Variants in NFATC2 observed in about 807,000 individuals in gnomAD.
NFATC2 encodes the protein nuclear factor of activated T-cells, cytoplasmic 2.
Under a neutral mutation model 87.3 loss-of-function variants are expected in NFATC2, and 22 were observed. That is an observed-to-expected ratio of 0.25 (90% CI 0.18 to 0.36). The LOEUF (loss-of-function observed/expected upper bound fraction) is 0.36. Ranked by LOEUF, NFATC2 falls within the 10% of genes least tolerant of loss-of-function variation. NFATC2 has a pLI of 1.00. For synonymous variants in NFATC2, 565 were observed against 542.2 expected (o/e 1.04, Z -0.58); for missense variants, 1,149 against 1,259.1 (o/e 0.91, Z 1.32).
intron 5 of NFATC2, among the ~76,000 whole-genome samples, chr20:51,457,052 A>G (rs1305123320): frequency 6.6e-6 from 1 of 152,248 alleles, no homozygotes; most frequent in African/African-American, 2.4e-5. Context: ...GCTGCCGGCT[A>G]CAAGGATAGA....
chr20:51,432,891 T>A lies in NFATC2; in HGVS notation c.2033-135A>T, dbSNP rs564348469. Reference sequence around the variant, plus strand: ...GGGACAAACAGCTGGTCCCTGTCACTTATCAGCCTTGGGCAAAAGGCTCCC... The same window carrying A: ...GGGACAAACAGCTGGTCCCTGTCACATATCAGCCTTGGGCAAAAGGCTCCC... On this transcript the variant is annotated intron_variant, in intron 8 of 10. Coordinates refer to ENST00000371564, the MANE Select transcript of NFATC2 (RefSeq NM_012340.5). This position sits in a 1 kb window ranked among gnomAD's most constrained non-coding sequence, Gnocchi z 4.6. 9.7e-6 allele frequency: 7 copies of A among 721,832 alleles called. No homozygotes were observed. The South Asian group carries it at 1.8e-4, about 18-fold the overall frequency. The allele number at this position is 721,832 out of a possible 1,614,324, so 44.7% of individuals were successfully genotyped here. A position where few individuals can be genotyped will look rare whatever the true frequency, so the allele number is the denominator to read the frequency against.
In NFATC2 at chr20:51,523,382, C is replaced by T; in HGVS notation, c.859G>A (p.Asp287Asn). The change falls in exon 2 of 11, where the codon GAC becomes AAC. Residue 287 changes from aspartate to asparagine, a missense_variant. Around this residue, in one of 3 missense-constraint regions of NFATC2, gnomAD observed 563 missense variants for 585.2 expected, o/e 0.96. Transcript: ENST00000371564. The surrounding 1 kb of genome is among the most constrained non-coding windows in gnomAD (Gnocchi z 6.9). Reference protein sequence around the residue: ...PQPSSHVAPQDHGSPAGYPPV... With the variant: ...PQPSSHVAPQNHGSPAGYPPV... The stretch of plus-strand genomic sequence containing the variant: ...GGGTACCCAGCCGGGGAGCCGTGGT[C>T]CTGGGGTGCCACGTGAGATGAGGGC... 1.2e-6 allele frequency: 2 copies of T among 1,610,718 alleles called. No individual in the cohort carries two copies. The highest frequency in any genetic ancestry group is 1.7e-6 in the Non-Finnish European group (2 of 1,178,330).
chr20:51,447,163 A>C (rs1242745120), intron 6 of NFATC2, among the ~76,000 whole-genome samples: 1 of 152,198 alleles, frequency 6.6e-6, no homozygotes, highest in Non-Finnish European at 1.5e-5. Flanking sequence ...GGGGACCTCC[A>C]AGTAATAAAA....
At chr20:51,433,108 G>A (rs1443976686) in intron 8 of NFATC2, among the ~76,000 whole-genome samples, 2 of 152,062 alleles carry the variant, frequency 1.3e-5, no homozygotes, top group African/African-American at 4.8e-5. Flanking sequence ...TATCCCAGCA[G>A]CTCCTGTCTC....
rs566593401 is a variant in NFATC2, at chr20:51,440,951, T to C, written c.1850-5190A>G. Reference sequence around the variant, plus strand: ...CCTGGAGAACCCAATAATCCCAACCTCTGAATTGCACTCCCATGGGGCAGT... The same window carrying C: ...CCTGGAGAACCCAATAATCCCAACCCCTGAATTGCACTCCCATGGGGCAGT... On this transcript the variant is annotated intron_variant, in intron 6 of 10. Transcript: ENST00000371564. Among the ~76,000 whole-genome samples, 14 of 152,270 alleles carry C rather than the reference T, an allele frequency of 9.2e-5. No individual in the cohort carries two copies. In the South Asian group the frequency reaches 2.9e-3, roughly 32 times the overall value.
In NFATC2 at chr20:51,501,528, T is replaced by C. The variant is rs565925736; in HGVS notation, c.1332+15256A>G. 5.3e-5 allele frequency among the ~76,000 whole-genome samples: 8 copies of C among 152,322 alleles called. No individual in the cohort carries two copies. In the East Asian group the frequency reaches 1.5e-3, roughly 29 times the overall value. On this transcript the variant is annotated intron_variant, in intron 3 of 10. Coordinates refer to ENST00000371564, the MANE Select transcript of NFATC2 (RefSeq NM_012340.5). ...CTTCAGCACTGGCTGCTCCCTTTCC[T>C]ACCACGCTGGCTCCCAAGATAGCAA...
chr20:51,442,942 A>G lies in NFATC2; in HGVS notation c.1850-7181T>C, dbSNP rs1984566863. ...CGAACATTCCACCCAGGCTCAAGAG[A>G]GACATGGACTCAGGGTTGCTTATGT... On this transcript the variant is annotated intron_variant, in intron 6 of 10. Transcript: ENST00000371564. Among the ~76,000 whole-genome samples the G allele has an allele frequency of 1.3e-5, 2 of 152,118 alleles. 1 individual carries two copies. The highest frequency in any genetic ancestry group is 4.8e-5 in the African/African-American group (2 of 41,416).
intron 9 of NFATC2, among the ~76,000 whole-genome samples, chr20:51,415,361 G>C (rs115881936): frequency 0.016 from 2,471 of 152,004 alleles, 29 homozygotes; most frequent in Non-Finnish European, 0.019. Context: ...CCTGTTTCTA[G>C]TCTCCTGCTA....
rs1339497232 is a variant in NFATC2, at chr20:51,391,100, C to T, written c.*396G>A. 1.9e-6 allele frequency: 1 copy of T among 536,768 alleles called. No homozygotes were observed. The highest frequency in any genetic ancestry group is 3.5e-6 in the Non-Finnish European group (1 of 286,310). The allele number at this position is 536,768 out of a possible 1,614,324, so 33.3% of individuals were successfully genotyped here. A position where few individuals can be genotyped will look rare whatever the true frequency, so the allele number is the denominator to read the frequency against. ...TCTGTTCTCAGGAGAGTTCCAGTGT[C>T]CTGTCTCATGTAGAATGTGCTTTTG... On this transcript the variant is annotated 3_prime_UTR_variant, in exon 11 of 11. Transcript: ENST00000371564.
chr20:51,474,639 G>A (rs1988537890), intron 4 of NFATC2, among the ~76,000 whole-genome samples: 1 of 152,202 alleles, frequency 6.6e-6, no homozygotes, highest in Non-Finnish European at 1.5e-5. Context: ...CTGGAGCACA[G>A]GTGAAGCATG....
chr20:51,427,682 C>T (rs1461199929), intron 9 of NFATC2, among the ~76,000 whole-genome samples: 1 of 152,194 alleles, frequency 6.6e-6, no homozygotes, highest in African/African-American at 2.4e-5. Flanking sequence ...ACGGCCTCCG[C>T]CACCTGCGTT....
intron 3 of NFATC2, among the ~76,000 whole-genome samples, chr20:51,490,554 T>C (rs1047728891): frequency 1.3e-5 from 2 of 152,196 alleles, no homozygotes; most frequent in African/African-American, 4.8e-5. Flanking sequence ...CTTACAGAAA[T>C]TTATCTTGAA....
chr20:51,463,890 G>T lies in NFATC2; in HGVS notation c.1709-9202C>A, dbSNP rs899761045. On this transcript the variant is annotated intron_variant, in intron 5 of 10. Transcript: ENST00000371564. The stretch of plus-strand genomic sequence containing the variant: ...TCGTAGGTGTTCAGAAGGGCACTCT[G>T]CCTTCCCAGCTCCCTCATAAGTAGC... Among the ~76,000 whole-genome samples, 10 of 152,184 alleles carry T rather than the reference G, an allele frequency of 6.6e-5. 1 individual carries two copies. Among genetic ancestry groups the T allele is most frequent in the Admixed American group, 4.6e-4 (7 of 15,282 alleles).
chr20:51,391,832 CTTTT>C (rs1244099240), intron 10 of NFATC2, among the ~76,000 whole-genome samples: 2 of 152,114 alleles, frequency 1.3e-5, no homozygotes, highest in Non-Finnish European at 2.9e-5. Flanking sequence ...TTTTTAAATA[CTTTT>C]TTTGTTGTTG....
intron 9 of NFATC2, among the ~76,000 whole-genome samples, chr20:51,413,928 A>C (rs1979654706): frequency 6.6e-6 from 1 of 152,238 alleles, no homozygotes; most frequent in Non-Finnish European, 1.5e-5. Flanking sequence ...GAGCTAATGC[A>C]GCAAAGTCTT....
intron 1 of NFATC2, among the ~76,000 whole-genome samples, chr20:51,527,419 G>A (rs899008992): frequency 4.6e-5 from 7 of 152,150 alleles, no homozygotes; most frequent in African/African-American, 1.4e-4. Flanking sequence ...GGCCCCTGCT[G>A]TGTTCTGTGC....
chr20:51,551,611 T>C (rs904442280), intron 1 of NFATC2, among the ~76,000 whole-genome samples: 23 of 151,418 alleles, frequency 1.5e-4, no homozygotes, highest in Non-Finnish European at 2.8e-4. Flanking sequence ...GGTCTCACTA[T>C]GTTGCCTAGG....
At chr20:51,423,265 G>A (rs750470151) in intron 9 of NFATC2, among the ~76,000 whole-genome samples, 46 of 147,272 alleles carry the variant, frequency 3.1e-4, no homozygotes, top group Middle Eastern at 7.0e-3. Flanking sequence ...ACTGCAGCCT[G>A]GGTGACAGAG....
chr20:51,519,538 C>T, intron 2 of NFATC2, among the ~76,000 whole-genome samples: 1 of 151,570 alleles, frequency 6.6e-6, no homozygotes, highest in Non-Finnish European at 1.5e-5. Flanking sequence ...GCAGGAGAAT[C>T]ACTTGAACCC....
Sources: allele counts gnomAD v4.1 joint callset (sites outside exome capture counted in the v4.1 genomes callset), GRCh38; gene constraint gnomAD v4.1.1; regional missense constraint gnomAD v4.1.1; non-coding constraint Gnocchi (gnomAD v3.1); transcripts MANE v1.5; gene names NCBI Gene and HGNC (gene_info 2026-07-23, HGNC 2026-07-21).